Variants in MEMO1 observed in about 807,000 individuals in gnomAD.
The protein encoded by MEMO1 is mediator of cell motility 1.
A neutral mutation model predicts 45.2 loss-of-function variants in MEMO1; 6 were observed. That is an observed-to-expected ratio of 0.13 (90% confidence interval 0.07 to 0.26). The LOEUF is 0.26. MEMO1 is among the 10% of genes least tolerant of loss of function. The pLI is 1.00. For missense variants in MEMO1, 184 were observed against 370.5 expected (o/e 0.50, Z 4.13); for synonymous variants, 78 against 124.3 (o/e 0.63, Z 2.48).
intron 4 of MEMO1, among the ~76,000 whole-genome samples, chr2:31,929,109 G>A (rs1210582692): frequency 1.3e-5 from 2 of 151,998 alleles, no homozygotes; most frequent in African/African-American, 2.4e-5. Context: ...TGGATTACAG[G>A]AATTACATAG....
chr2:32,000,805 A>G (rs539249467), intron 2 of MEMO1, among the ~76,000 whole-genome samples: 2 of 146,330 alleles, frequency 1.4e-5, no homozygotes, highest in East Asian at 4.0e-4. Flanking sequence ...TTTTTTTTCC[A>G]TGACATAGCC....
chr2:31,996,214 GAGAGAA>G (rs1375560272), intron 2 of MEMO1, among the ~76,000 whole-genome samples: 1 of 150,938 alleles, frequency 6.6e-6, no homozygotes, highest in East Asian at 1.9e-4. Context: ...GGGGGAGAGA[GAGAGAA>G]AGAGAGAGAG....
At chr2:31,924,040 A>G (rs556454410) in intron 4 of MEMO1, among the ~76,000 whole-genome samples, 1 of 152,186 alleles carries the variant, frequency 6.6e-6, no homozygotes, top group Non-Finnish European at 1.5e-5. Context: ...CAATAGCCAA[A>G]TCAAGTTCCA....
intron 2 of MEMO1, among the ~76,000 whole-genome samples, chr2:31,999,971 G>A (rs1387552347): frequency 6.6e-6 from 1 of 150,648 alleles, no homozygotes; most frequent in Non-Finnish European, 1.5e-5. Flanking sequence ...CAGCCTCCTG[G>A]ACTCAGGCAA....
At chr2:32,006,162 A>G (rs1207924116) in intron 2 of MEMO1, among the ~76,000 whole-genome samples, 2 of 152,214 alleles carry the variant, frequency 1.3e-5, no homozygotes, top group Non-Finnish European at 2.9e-5. Context: ...GGGGACTTAG[A>G]CCTTAACCAA....
intron 4 of MEMO1, among the ~76,000 whole-genome samples, chr2:31,926,991 T>C (rs1683209034): frequency 6.6e-6 from 1 of 152,018 alleles, no homozygotes; most frequent in Non-Finnish European, 1.5e-5. Context: ...TATGCCAGGG[T>C]AAAAGAGCCA....
intron 6 of MEMO1, among the ~76,000 whole-genome samples, chr2:31,905,875 A>G (rs1275001049): frequency 1.3e-5 from 2 of 152,086 alleles, no homozygotes; most frequent in African/African-American, 4.8e-5. Context: ...CAAAGCCCCC[A>G]TGATTTTTTT....
intron 2 of MEMO1, among the ~76,000 whole-genome samples, chr2:31,977,691 C>T (rs1163484704): frequency 6.6e-6 from 1 of 151,968 alleles, no homozygotes; most frequent in African/African-American, 2.4e-5. Flanking sequence ...ACCACCACGC[C>T]TGGCTAATTT....
chr2:31,992,907 T>C (rs1210138672), intron 2 of MEMO1, among the ~76,000 whole-genome samples: 1 of 151,188 alleles, frequency 6.6e-6, no homozygotes, highest in Non-Finnish European at 1.5e-5. Flanking sequence ...GAAGAAACAA[T>C]TAACTAAAAT....
chr2:31,913,158 G>A (rs1028562305), intron 6 of MEMO1, among the ~76,000 whole-genome samples: 44 of 150,638 alleles, frequency 2.9e-4, no homozygotes, highest in African/African-American at 9.5e-4. Flanking sequence ...CCAACTACTC[G>A]GGAGGCTGAG....
In MEMO1 at chr2:31,969,378, CAT is replaced by C. The variant is rs1491346537; in HGVS notation, c.62-25997_62-25996del. ...TATATGTTACGTGTATATATATACA[CAT>C]GTGTATATATATACGTGTATATACA... is the stretch of plus-strand genomic sequence containing the variant. On this transcript the variant is annotated intron_variant, in intron 2 of 9. Coordinates refer to ENST00000404530, the MANE Select transcript of MEMO1 (RefSeq NM_001301833.4). Among the ~76,000 whole-genome samples, 224 of 149,206 alleles carry C rather than the reference CAT, an allele frequency of 1.5e-3. 4 individuals carry two copies. Among genetic ancestry groups the C allele is most frequent in the Admixed American group, 0.012 (173 of 14,844 alleles).
chr2:31,908,045 T>C (rs1399345016), intron 6 of MEMO1, among the ~76,000 whole-genome samples: 4 of 152,158 alleles, frequency 2.6e-5, no homozygotes, highest in Non-Finnish European at 2.9e-5. Context: ...CACCACAAAA[T>C]AGCAAATTTT....
intron 2 of MEMO1, among the ~76,000 whole-genome samples, chr2:31,954,737 G>C (rs939469769): frequency 2.6e-5 from 4 of 151,936 alleles, no homozygotes; most frequent in Non-Finnish European, 5.9e-5. Context: ...GGGAGGCTGA[G>C]AGAGGAGAAT....
At position 31,875,300 on chromosome 2, in the gene MEMO1, A is replaced by G. The variant is rs562406609; in HGVS notation, c.658-5348T>C. Among the ~76,000 whole-genome samples the G allele has an allele frequency of 2.6e-5, 4 of 152,320 alleles. No homozygotes were observed. In the East Asian group the frequency reaches 7.7e-4, roughly 29 times the overall value. On this transcript the variant is annotated intron_variant, in intron 8 of 9. Transcript: ENST00000404530. ...TAAGGTAAATCAGATGCAAACTTAG[A>G]AGTCAACCTGGGCTAAGTGGTTCTA... is the stretch of plus-strand genomic sequence containing the variant.
intron 2 of MEMO1, among the ~76,000 whole-genome samples, chr2:31,984,785 G>A (rs1210256024): frequency 5.3e-5 from 8 of 152,074 alleles, no homozygotes; most frequent in Admixed American, 1.3e-4. Context: ...CAGCCTGGGC[G>A]ACAGAGCGAG....
intron 2 of MEMO1, among the ~76,000 whole-genome samples, chr2:31,986,169 C>A (rs1364931966): frequency 6.6e-6 from 1 of 152,092 alleles, no homozygotes; most frequent in African/African-American, 2.4e-5. Flanking sequence ...CCGAGGCAGG[C>A]AGATCACGAG....
intron 2 of MEMO1, among the ~76,000 whole-genome samples, chr2:31,970,855 T>C (rs1435169415): frequency 6.6e-6 from 1 of 151,996 alleles, no homozygotes; most frequent in Non-Finnish European, 1.5e-5. Context: ...AATAGACCAA[T>C]TAGCTGGACA....
chr2:31,905,462 A>C (rs1373808592), intron 6 of MEMO1, among the ~76,000 whole-genome samples: 3 of 152,218 alleles, frequency 2.0e-5, no homozygotes, highest in African/African-American at 7.2e-5. Context: ...CATGATGATA[A>C]GAAAGTTTTT....
intron 2 of MEMO1, among the ~76,000 whole-genome samples, chr2:31,991,175 G>A (rs1466269427): frequency 1.3e-5 from 2 of 152,136 alleles, no homozygotes; most frequent in Non-Finnish European, 2.9e-5. Context: ...TGGATAGACA[G>A]ACACATAAGA....
Sources: allele counts gnomAD v4.1 joint callset (sites outside exome capture counted in the v4.1 genomes callset), GRCh38; gene constraint gnomAD v4.1.1; transcripts MANE v1.5; gene names NCBI Gene and HGNC (gene_info 2026-07-23, HGNC 2026-07-21).